NRP1: variants seen among roughly 807,000 people sequenced by gnomAD.
NRP1 encodes the protein neuropilin-1.
Under a neutral mutation model 106.7 loss-of-function variants are expected in NRP1, and 35 were observed. That is an observed-to-expected ratio of 0.33 (90% CI 0.25 to 0.43). The LOEUF (loss-of-function observed/expected upper bound fraction) is 0.43. NRP1 is among the 20% of genes least tolerant of loss of function. The probability of loss-of-function intolerance (pLI) is 1.00; values close to 1 mark genes in which losing one functional copy is unlikely to be tolerated. For missense variants in NRP1, 1,024 were observed against 1,170.4 expected (o/e 0.87, Z 1.83); for synonymous variants, 437 against 417.9 (o/e 1.05, Z -0.56).
chr10:33,291,633 G>A (rs553312447), intron 2 of NRP1, among the ~76,000 whole-genome samples: 1 of 152,292 alleles, frequency 6.6e-6, no homozygotes, highest in African/African-American at 2.4e-5. Context: ...TACAATTTTT[G>A]ATAGATATGG....
chr10:33,332,707 G>C (rs1180758713), intron 1 of NRP1, among the ~76,000 whole-genome samples: 4 of 152,194 alleles, frequency 2.6e-5, no homozygotes, highest in African/African-American at 9.7e-5. Context: ...TAATTTAGCA[G>C]ACACTGGTTA....
chr10:33,232,137 G>A (rs1840185763), intron 6 of NRP1, among the ~76,000 whole-genome samples: 1 of 152,058 alleles, frequency 6.6e-6, no homozygotes, highest in African/African-American at 2.4e-5. Context: ...GGCAAGACTG[G>A]TGACCCAAGA....
intron 2 of NRP1, among the ~76,000 whole-genome samples, chr10:33,317,150 ACATCTGTAGC>A (rs1419436412): frequency 6.6e-6 from 1 of 152,242 alleles, no homozygotes; most frequent in Admixed American, 6.5e-5. Context: ...TCTCCCAGCC[ACATCTGTAGC>A]CATTTGAAAT....
At chr10:33,283,901 C>T (rs547554872) in intron 2 of NRP1, among the ~76,000 whole-genome samples, 2 of 152,294 alleles carry the variant, frequency 1.3e-5, no homozygotes, top group South Asian at 2.1e-4. Flanking sequence ...TGTGGTTGAA[C>T]ACATTTCAAA....
intron 13 of NRP1, 100 bp from the exon 14 acceptor site, chr10:33,186,588 G>T: frequency 7.1e-7 from 1 of 1,403,192 alleles, no homozygotes; most frequent in Non-Finnish European, 9.6e-7. Context: ...CCTGCGCTGA[G>T]CACCAAGAAC....
chr10:33,290,757 C>T (rs912711894), intron 2 of NRP1, among the ~76,000 whole-genome samples: 1 of 152,110 alleles, frequency 6.6e-6, no homozygotes, highest in African/African-American at 2.4e-5. Context: ...CAGAGTCACT[C>T]CTATTTACTG....
intron 6 of NRP1, among the ~76,000 whole-genome samples, chr10:33,248,315 A>T (rs574636977): frequency 6.6e-6 from 1 of 152,188 alleles, no homozygotes; most frequent in African/African-American, 2.4e-5. Context: ...TTATAAGGGA[A>T]GAGCGCTATG....
At chr10:33,280,224 C>A (rs1482158476) in intron 2 of NRP1, among the ~76,000 whole-genome samples, 1 of 152,118 alleles carries the variant, frequency 6.6e-6, no homozygotes. Context: ...TTTTAAAAAA[C>A]CACCCTTCAC....
intron 2 of NRP1, among the ~76,000 whole-genome samples, chr10:33,291,910 A>G (rs1159211644): frequency 6.6e-6 from 1 of 151,990 alleles, no homozygotes; most frequent in Non-Finnish European, 1.5e-5. Flanking sequence ...TTTGTTTTTC[A>G]TTTTGTTTTT....
At chr10:33,212,039 A>T (rs889481624) in intron 9 of NRP1, 5 of 152,212 alleles carry the variant, frequency 3.3e-5, no homozygotes, top group Non-Finnish European at 7.3e-5. Flanking sequence ...TTGCTGTTGC[A>T]TGTTCGCAAA....
chr10:33,281,054 AT>A (rs112473156), intron 2 of NRP1, among the ~76,000 whole-genome samples: 104 of 147,160 alleles, frequency 7.1e-4, no homozygotes, highest in Middle Eastern at 3.5e-3. Flanking sequence ...AGCCTTCCAA[AT>A]TTTTTTTTTT....
chr10:33,221,932 C>T, intron 7 of NRP1, 69 bp from the exon 8 acceptor site: 10 of 1,500,332 alleles, frequency 6.7e-6, no homozygotes, highest in Non-Finnish European at 9.2e-6. Context: ...TGTGTTTTCA[C>T]AAATGGTTGT....
At chr10:33,300,861 C>T (rs890196243) in intron 2 of NRP1, among the ~76,000 whole-genome samples, 2 of 152,146 alleles carry the variant, frequency 1.3e-5, no homozygotes, top group African/African-American at 4.8e-5. Flanking sequence ...TGATTGATGT[C>T]TCATGTCTCC....
intron 3 of NRP1, among the ~76,000 whole-genome samples, chr10:33,269,491 T>G (rs764188844): frequency 6.6e-6 from 1 of 152,172 alleles, no homozygotes; most frequent in Non-Finnish European, 1.5e-5. Flanking sequence ...GAAATCAGAC[T>G]TCAAGGATAG....
intron 2 of NRP1, among the ~76,000 whole-genome samples, chr10:33,281,286 G>C (rs994836667): frequency 6.6e-6 from 1 of 152,110 alleles, no homozygotes; most frequent in Non-Finnish European, 1.5e-5. Flanking sequence ...TTGGCTTCAA[G>C]CAATCCACCC....
intron 9 of NRP1, among the ~76,000 whole-genome samples, chr10:33,210,383 C>G (rs985063685): frequency 1.1e-4 from 16 of 152,038 alleles, no homozygotes; most frequent in Admixed American, 9.2e-4. Flanking sequence ...AACATACCTC[C>G]AAAGATCATA....
At position 33,254,167 on chromosome 10, in the gene NRP1, A is replaced by G. The variant is rs1371435295; in HGVS notation, c.842T>C (p.Met281Thr). 2 of 1,612,596 alleles carry G rather than the reference A, an allele frequency of 1.2e-6. No homozygotes were observed. The highest frequency in any genetic ancestry group is 1.3e-5 in the African/African-American group (1 of 74,864). ...GTCAGAATGAATTTCTCCTGATTCC[A>G]TGCCCAGAGCTTCCATACATTTGAA... ...EDFKCMEALG[M>T]ESGEIHSDQI... Residue 281 changes from methionine to threonine, a missense_variant, in exon 6 of 17, where the codon ATG becomes ACG. Physicochemically the swap from Met to Thr is moderately conservative, Grantham distance 81 (BLOSUM62 -1). Coordinates refer to ENST00000374867, the MANE Select transcript of NRP1 (RefSeq NM_003873.7).
At chr10:33,266,198 C>T (rs1243704689) in intron 3 of NRP1, among the ~76,000 whole-genome samples, 1 of 152,166 alleles carries the variant, frequency 6.6e-6, no homozygotes, top group East Asian at 1.9e-4. Context: ...TAAGGTCATA[C>T]TTTCAAAAGC....
chr10:33,187,100 T>A (rs1490030066), intron 13 of NRP1, among the ~76,000 whole-genome samples: 1 of 152,154 alleles, frequency 6.6e-6, no homozygotes, highest in Non-Finnish European at 1.5e-5. Context: ...CTCAAACTCC[T>A]GGCCTCAAGC....
Sources: allele counts gnomAD v4.1 joint callset (sites outside exome capture counted in the v4.1 genomes callset), GRCh38; gene constraint gnomAD v4.1.1; transcripts MANE v1.5; gene names NCBI Gene and HGNC (gene_info 2026-07-23, HGNC 2026-07-21).